XRN2: variants seen among roughly 807,000 people sequenced by gnomAD.
The protein encoded by XRN2 is DHM1-like protein.
Under a neutral mutation model 138.5 loss-of-function variants are expected in XRN2, and 44 were observed. The observed-to-expected ratio is 0.32, with a 90% CI of 0.25 to 0.41. The LOEUF is 0.41. Among genes scored for constraint, XRN2 ranks in the 10% least tolerant of loss-of-function variants. The pLI is 1.00. For synonymous variants in XRN2, 354 were observed against 369.4 expected (o/e 0.96, Z 0.48); for missense variants, 937 against 1,169.3 (o/e 0.80, Z 2.90).
At chr20:21,366,048 T>A (rs1265622915) in intron 26 of XRN2, among the ~76,000 whole-genome samples, 1 of 115,692 alleles carries the variant, frequency 8.6e-6, no homozygotes, top group South Asian at 2.4e-4. Context: ...ATATTTATAG[T>A]TTATATAATA....
At chr20:21,357,539 A>C (rs1261298547) in intron 23 of XRN2, among the ~76,000 whole-genome samples, 197 bp from the exon 24 acceptor site, 1 of 152,098 alleles carries the variant, frequency 6.6e-6, no homozygotes, top group East Asian at 1.9e-4. Context: ...TGAATGCCTT[A>C]TGGTTAATAG....
In XRN2 at chr20:21,365,384, T is replaced by C. The variant is rs775837666; in HGVS notation, c.2256-37T>C. The C allele has an allele frequency of 4.4e-5, 71 of 1,596,630 alleles. 2 individuals carry two copies. In the South Asian group the frequency reaches 7.5e-4, roughly 17 times the overall value. On this transcript the variant is annotated intron_variant, in intron 24 of 29. Coordinates refer to ENST00000377191, the MANE Select transcript of XRN2 (RefSeq NM_012255.5). ...GTCTACATGATAAGACAGGCTGATA[T>C]AATCAGATCATTGAATTGTTTCTTG...
chr20:21,347,123 C>T (rs539955395), intron 17 of XRN2, among the ~76,000 whole-genome samples: 1 of 152,252 alleles, frequency 6.6e-6, no homozygotes, highest in Middle Eastern at 3.4e-3. Flanking sequence ...TGCACTTTGT[C>T]TTTAAGATGA....
rs11558843 is a variant in XRN2 at position 21,333,599 on chromosome 20, G to A, written c.914G>A (p.Arg305Gln). 111 of 1,613,514 alleles carry A rather than the reference G, an allele frequency of 6.9e-5. No homozygotes were observed. Among genetic ancestry groups the A allele is most frequent in the African/African-American group, 9.3e-5 (7 of 74,890 alleles). Reference protein sequence around the residue: ...PCAEGEFIFLRLNVLREYLER... With the variant: ...PCAEGEFIFLQLNVLREYLER... ...GCAGAAGGAGAGTTTATCTTCCTTC[G>A]GCTTAATGTTCTTCGTGAGGTATGT... Residue 305 changes from arginine (R) to glutamine (Q), a missense_variant, in exon 10 of 30, where the codon CGG (arginine) becomes CAG (glutamine). This residue lies in a region of XRN2 where 471 missense variants were observed against 581.2 expected (regional missense o/e 0.81). Transcript: ENST00000377191.
At chr20:21,385,396 T>C (rs552578564) in intron 28 of XRN2, among the ~76,000 whole-genome samples, 120 of 152,370 alleles carry the variant, frequency 7.9e-4, no homozygotes, top group African/African-American at 2.9e-3. Flanking sequence ...GGAGCTCTTC[T>C]TGCTAAAACA....
intron 27 of XRN2, among the ~76,000 whole-genome samples, chr20:21,369,193 A>T (rs904150007): frequency 2.6e-5 from 4 of 152,190 alleles, no homozygotes; most frequent in Non-Finnish European, 5.9e-5. Flanking sequence ...GACTTGTTTC[A>T]TGTAACATAA....
At chr20:21,342,506 A>G (rs1010663211) in intron 15 of XRN2, among the ~76,000 whole-genome samples, 42 of 152,350 alleles carry the variant, frequency 2.8e-4, no homozygotes, top group African/African-American at 9.9e-4. Context: ...TTTGTTTTCT[A>G]AAGATAGAGT....
intron 27 of XRN2, among the ~76,000 whole-genome samples, chr20:21,376,408 G>C (rs2038823441): frequency 6.6e-6 from 1 of 152,126 alleles, no homozygotes; most frequent in Non-Finnish European, 1.5e-5. Flanking sequence ...ATGTGTCTTT[G>C]TTTTAAGATA....
intron 13 of XRN2, among the ~76,000 whole-genome samples, chr20:21,336,270 G>T (rs2038291180): frequency 6.6e-6 from 1 of 152,270 alleles, no homozygotes; most frequent in South Asian, 2.1e-4. Context: ...GACCAGCCTG[G>T]CCAACTTGGT....
chr20:21,383,317 A>G (rs1568600940), intron 28 of XRN2, among the ~76,000 whole-genome samples: 1 of 152,190 alleles, frequency 6.6e-6, no homozygotes. Flanking sequence ...TAAATTATAT[A>G]CTTGGTTTCT....
At chr20:21,366,525 C>A (rs1218065178) in intron 26 of XRN2, among the ~76,000 whole-genome samples, 1 of 150,784 alleles carries the variant, frequency 6.6e-6, no homozygotes, top group Non-Finnish European at 1.5e-5. Context: ...TCACTGCACT[C>A]CAGCCTGGGC....
intron 27 of XRN2, among the ~76,000 whole-genome samples, chr20:21,376,966 C>T (rs2038829455): frequency 1.3e-5 from 2 of 152,198 alleles, no homozygotes; most frequent in South Asian, 2.1e-4. Context: ...AAACTAGAAA[C>T]ATAAAAGCTC....
intron 15 of XRN2, 144 bp downstream of exon 15, chr20:21,340,996 T>A: frequency 1.1e-6 from 1 of 873,632 alleles, no homozygotes; most frequent in Non-Finnish European, 1.8e-6. Flanking sequence ...AAATGTTTAG[T>A]TCTGTTAAGT....
intron 16 of XRN2, 87 bp downstream of exon 16, chr20:21,344,295 GC>G: frequency 1.1e-6 from 1 of 897,000 alleles, no homozygotes; most frequent in South Asian, 1.5e-5. Context: ...GAGCAGCAGT[GC>G]CTTCAGATGC....
At chr20:21,383,348 CATACTA>C (rs1470761840) in intron 28 of XRN2, among the ~76,000 whole-genome samples, 2 of 152,104 alleles carry the variant, frequency 1.3e-5, no homozygotes, top group Admixed American at 6.5e-5. Flanking sequence ...GCTCACTTTC[CATACTA>C]ATAATAATGG....
intron 13 of XRN2, among the ~76,000 whole-genome samples, chr20:21,335,891 C>G (rs2038281524): frequency 6.6e-6 from 1 of 152,160 alleles, no homozygotes; most frequent in Non-Finnish European, 1.5e-5. Context: ...AGCTTTGGAT[C>G]TTTGTTGGTG....
Position 21,329,280 on chromosome 20 carries a change from G to A in XRN2, c.427+610G>A, listed in dbSNP as rs2038170097. Reference sequence around the variant, plus strand: ...GCCTTAAAATTCCTGGTGGCTACATGGGTAGGAACTGACTAAGCCTCAGAG... The same window carrying A: ...GCCTTAAAATTCCTGGTGGCTACATAGGTAGGAACTGACTAAGCCTCAGAG... On this transcript the variant is annotated intron_variant, in intron 4 of 29. Coordinates refer to ENST00000377191, the MANE Select transcript of XRN2 (RefSeq NM_012255.5). Among the ~76,000 whole-genome samples the A allele has an allele frequency of 1.3e-5, 2 of 152,172 alleles. 1 individual carries two copies. Among genetic ancestry groups the A allele is most frequent in the African/African-American group, 4.8e-5 (2 of 41,436 alleles).
intron 1 of XRN2, among the ~76,000 whole-genome samples, chr20:21,309,656 G>A (rs2037851716): frequency 6.6e-6 from 1 of 151,940 alleles, no homozygotes; most frequent in African/African-American, 2.4e-5. Flanking sequence ...GATCTAAGTA[G>A]TTGAATTGGC....
chr20:21,349,492 C>G (rs376481685), intron 20 of XRN2, 31 bp downstream of exon 20: 2 of 1,432,444 alleles, frequency 1.4e-6, no homozygotes, highest in African/African-American at 2.8e-5. Flanking sequence ...TCTGGTAAAA[C>G]TGTGAACAAA....
Sources: gnomAD v4.1 joint callset for allele counts (sites outside exome capture counted in the v4.1 genomes callset) on GRCh38, gnomAD v4.1.1 for gene constraint, gnomAD v4.1.1 regional missense constraint, MANE v1.5 for transcripts, NCBI Gene and HGNC (gene_info 2026-07-23, HGNC 2026-07-21) for gene names.